Variants in DDX19B observed in about 807,000 individuals in gnomAD.
The protein encoded by DDX19B is DEAD-box helicase 19B.
In DDX19B, 27 loss-of-function variants were observed where a neutral mutation model predicts 58.1. That is an observed-to-expected ratio of 0.46 (90% CI 0.34 to 0.64). The LOEUF is 0.64. Ranked by LOEUF, DDX19B falls within the 30% of genes least tolerant of loss-of-function variation. DDX19B has a pLI of 0.01. For synonymous variants in DDX19B, 187 were observed against 214.4 expected, an observed-to-expected ratio of 0.87 and a Z score of 1.12; for missense variants, 399 against 596.5, an observed-to-expected ratio of 0.67 and a Z score of 3.45.
upstream of DDX19B, among the ~76,000 whole-genome samples, chr16:70,292,382 G>A (rs527776412): frequency 6.6e-6 from 1 of 152,222 alleles, no homozygotes; most frequent in East Asian, 1.9e-4. Flanking sequence ...CCCGACCTCA[G>A]GTGATTCGCC....
At chr16:70,329,800 T>C (rs887592628) in intron 8 of DDX19B, 31 bp from the exon 9 acceptor site, 1 of 1,613,420 alleles carries the variant, frequency 6.2e-7, no homozygotes, top group Non-Finnish European at 8.5e-7. Flanking sequence ...CGGGGCCACC[T>C]GGGGCCACCT....
At chr16:70,291,100 T>C (rs560659019), upstream of DDX19B, among the ~76,000 whole-genome samples, 1 of 152,336 alleles carries the variant, frequency 6.6e-6, no homozygotes, top group Admixed American at 6.5e-5. Flanking sequence ...ACTTCATAGC[T>C]GCTCACAAAT....
intron 4 of DDX19B, chr16:70,317,269 T>A: frequency 3.7e-6 from 1 of 272,102 alleles, no homozygotes; most frequent in Non-Finnish European, 7.0e-6. Flanking sequence ...TAATCCCAGC[T>A]ATTCGCGAGG....
chr16:70,300,653 C>T (rs1445862623), intron 1 of DDX19B, among the ~76,000 whole-genome samples: 1 of 152,140 alleles, frequency 6.6e-6, no homozygotes, highest in Non-Finnish European at 1.5e-5. Context: ...CCTCAGCTTC[C>T]TGAGTAACCG....
intron 2 of DDX19B, among the ~76,000 whole-genome samples, chr16:70,314,380 A>T (rs1289043445): frequency 6.6e-6 from 1 of 151,888 alleles, no homozygotes; most frequent in Non-Finnish European, 1.5e-5. Context: ...TGAGCAACAG[A>T]GGCCGGGCGC....
Position 70,329,900 on chromosome 16 carries a change from C to A in DDX19B, c.855C>A (p.Ala285=). 6.2e-7 allele frequency: 1 copy of A among 1,614,188 alleles called. No individual in the cohort carries two copies. Among genetic ancestry groups the A allele is most frequent in the Non-Finnish European group, 8.5e-7 (1 of 1,180,038 alleles). ...TTGAAGACTCTGTGTGGAAGTTTGC[C>A]CAGAAAGTGGTCCCAGACCCAAACG... is the stretch of plus-strand genomic sequence containing the variant. ...ATFEDSVWKF[A]QKVVPDPNVI... The change falls in exon 9 of 12, where the codon GCC becomes GCA. Residue 285 remains alanine (A), a synonymous_variant. Transcript: ENST00000288071.
At chr16:70,332,554 G>T (rs1207386234) in intron 10 of DDX19B, among the ~76,000 whole-genome samples, 1 of 152,096 alleles carries the variant, frequency 6.6e-6, no homozygotes, top group Non-Finnish European at 1.5e-5. Context: ...GCCTGCCTCG[G>T]CCTCCCAAAG....
At chr16:70,297,369 T>C (rs1961264633), upstream of DDX19B, among the ~76,000 whole-genome samples, 1 of 152,006 alleles carries the variant, frequency 6.6e-6, no homozygotes, top group Admixed American at 6.6e-5. Flanking sequence ...TGCACCACCA[T>C]GCTTGGCTAA....
upstream of DDX19B, chr16:70,295,122 A>G (rs7189535): frequency 0.021 from 25,468 of 1,217,658 alleles, 3,989 homozygotes; most frequent in African/African-American, 0.35. Context: ...TCACGTGGGA[A>G]TAAATGCAGG....
At chr16:70,309,851 T>C (rs1597472299) in intron 1 of DDX19B, among the ~76,000 whole-genome samples, 1 of 113,748 alleles carries the variant, frequency 8.8e-6, no homozygotes, top group Non-Finnish European at 1.9e-5. Context: ...GAAATAGAAA[T>C]GGGGCTCCTC....
intron 11 of DDX19B, 97 bp downstream of exon 11, chr16:70,333,256 G>C: frequency 1.4e-6 from 1 of 698,174 alleles, no homozygotes; most frequent in Non-Finnish European, 2.4e-6. Context: ...GAGAGGCTCT[G>C]TCCCTAGCAC....
At chr16:70,294,831 C>T, upstream of DDX19B, 4 of 1,491,744 alleles carry the variant, frequency 2.7e-6, no homozygotes, top group Middle Eastern at 1.7e-4. Context: ...AGTGTAACTG[C>T]CATGCTCAGC....
intron 10 of DDX19B, 103 bp downstream of exon 10, chr16:70,331,987 G>T (rs1468199938): frequency 6.0e-6 from 9 of 1,490,382 alleles, no homozygotes; most frequent in South Asian, 5.5e-5. Context: ...GTCTCAGGGA[G>T]ATGGGTGGGG....
upstream of DDX19B, among the ~76,000 whole-genome samples, chr16:70,294,069 T>A (rs1239777556): frequency 2.8e-5 from 4 of 143,126 alleles, no homozygotes; most frequent in Non-Finnish European, 6.0e-5. Flanking sequence ...CCTGAGAGCC[T>A]GAATTTTTTT....
intron 9 of DDX19B, among the ~76,000 whole-genome samples, chr16:70,331,145 T>C (rs1963460894): frequency 6.6e-6 from 1 of 152,212 alleles, no homozygotes; most frequent in South Asian, 2.1e-4. Context: ...GGCATGGTCA[T>C]AGCTCACTGC....
intron 9 of DDX19B, among the ~76,000 whole-genome samples, chr16:70,331,456 C>T (rs531595264): frequency 5.9e-5 from 9 of 152,316 alleles, no homozygotes; most frequent in Admixed American, 2.0e-4. Context: ...AATCATATGA[C>T]TAAAATTCTA....
chr16:70,324,237 C>A (rs1414963642), intron 5 of DDX19B, among the ~76,000 whole-genome samples: 1 of 151,862 alleles, frequency 6.6e-6, no homozygotes, highest in Non-Finnish European at 1.5e-5. Context: ...GTGACTCACA[C>A]CTATAATCCC....
upstream of DDX19B, chr16:70,289,780 G>T (rs1391327152): frequency 2.0e-5 from 6 of 301,428 alleles, no homozygotes; most frequent in Non-Finnish European, 3.9e-5. Flanking sequence ...CCCGGCTCCC[G>T]GAGGTCGACA....
intron 4 of DDX19B, 184 bp from the exon 5 acceptor site, chr16:70,317,312 T>A (rs1597482341): frequency 2.7e-6 from 1 of 369,626 alleles, no homozygotes; most frequent in African/African-American, 2.2e-5. Flanking sequence ...ACCCGGAAGG[T>A]GGATGTTGCA....
Sources: allele counts gnomAD v4.1 joint callset (sites outside exome capture counted in the v4.1 genomes callset), GRCh38; gene constraint gnomAD v4.1.1; transcripts MANE v1.5; gene names NCBI Gene and HGNC (gene_info 2026-07-23, HGNC 2026-07-21).